CNBD1: variants seen among roughly 807,000 people sequenced by gnomAD.
CNBD1 encodes cyclic nucleotide-binding domain-containing protein 1.
In CNBD1, 71 loss-of-function variants were observed where a neutral mutation model predicts 54.4. That is an observed-to-expected ratio of 1.30 (90% CI 1.08 to 1.59). CNBD1 has a LOEUF of 1.59. Among genes scored for constraint, CNBD1 ranks in the 40% most tolerant of loss-of-function variants. The probability of loss-of-function intolerance (pLI) is 0.00; values close to 1 mark genes in which losing one functional copy is unlikely to be tolerated. For synonymous variants in CNBD1, 182 were observed against 170.7 expected (o/e 1.07, Z -0.51); for missense variants, 659 against 518.0 (o/e 1.27, Z -2.64).
chr8:87,381,578 G>T (rs1484780343), intron 10 of CNBD1, among the ~76,000 whole-genome samples: 1 of 152,000 alleles, frequency 6.6e-6, no homozygotes, highest in East Asian at 1.9e-4. Flanking sequence ...GCAGTACCAT[G>T]TTAATTGCAG....
intron 4 of CNBD1, among the ~76,000 whole-genome samples, chr8:87,077,703 T>C (rs967643882): frequency 6.6e-6 from 1 of 151,840 alleles, no homozygotes; most frequent in Non-Finnish European, 1.5e-5. Flanking sequence ...TTGCTGAGAA[T>C]GATGGTTTCC....
chr8:87,092,535 A>ATG (rs1303435896), intron 4 of CNBD1, among the ~76,000 whole-genome samples: 4 of 118,038 alleles, frequency 3.4e-5, no homozygotes, highest in Non-Finnish European at 6.7e-5. Flanking sequence ...GTATGTATGT[A>ATG]TGTGTGTGTA....
chr8:86,927,072 C>T (rs565938218), intron 3 of CNBD1, among the ~76,000 whole-genome samples: 1 of 152,144 alleles, frequency 6.6e-6, no homozygotes, highest in East Asian at 1.9e-4. Flanking sequence ...AAGAATATGC[C>T]TTGGCTGGGT....
intron 10 of CNBD1, among the ~76,000 whole-genome samples, chr8:87,356,118 T>G (rs1222756000): frequency 1.3e-5 from 2 of 152,160 alleles, no homozygotes; most frequent in Non-Finnish European, 2.9e-5. Flanking sequence ...CCTGGCAAAC[T>G]GTGAGCCAAA....
intron 4 of CNBD1, among the ~76,000 whole-genome samples, chr8:86,942,506 T>C (rs935789830): frequency 6.6e-6 from 1 of 152,208 alleles, no homozygotes; most frequent in Non-Finnish European, 1.5e-5. Context: ...ATCCCCACTT[T>C]CATGATGGCT....
At chr8:87,149,785 A>T (rs912085132) in intron 4 of CNBD1, among the ~76,000 whole-genome samples, 4 of 152,162 alleles carry the variant, frequency 2.6e-5, no homozygotes, top group African/African-American at 7.2e-5. Flanking sequence ...TAATGAGAAT[A>T]GAAGGTGAAA....
At chr8:87,002,219 C>G (rs2130546510) in intron 4 of CNBD1, among the ~76,000 whole-genome samples, 1 of 152,260 alleles carries the variant, frequency 6.6e-6, no homozygotes, top group Middle Eastern at 3.4e-3. Flanking sequence ...TTTTTACCTC[C>G]ACTGACAAAA....
At chr8:87,190,324 A>G (rs1364096731) in intron 4 of CNBD1, among the ~76,000 whole-genome samples, 2 of 152,146 alleles carry the variant, frequency 1.3e-5, no homozygotes, top group African/African-American at 2.4e-5. Context: ...GGACATATAT[A>G]TCCAAACGTA....
rs534054186 is a variant in CNBD1, at chr8:87,349,668, C to G, written c.1043-2017C>G. Among the ~76,000 whole-genome samples the G allele has an allele frequency of 3.3e-3, 504 of 152,284 alleles. 6 individuals are homozygous for G. Among genetic ancestry groups the G allele is most frequent in the African/African-American group, 0.011 (445 of 41,552 alleles). On this transcript the variant is annotated intron_variant, in intron 8 of 10. Coordinates refer to ENST00000518476, the MANE Select transcript of CNBD1 (RefSeq NM_173538.3). The stretch of plus-strand genomic sequence containing the variant: ...GGGATTACAGGCGTGAGCCACCGCG[C>G]CTGACCAGAATATATGATTTTTATA...
chr8:87,263,261 C>T (rs546226525), intron 6 of CNBD1, among the ~76,000 whole-genome samples: 1 of 152,092 alleles, frequency 6.6e-6, no homozygotes, highest in Non-Finnish European at 1.5e-5. Context: ...TGTGTGAAAA[C>T]CATGCATATT....
chr8:87,371,854 A>G (rs1050325603), intron 10 of CNBD1, among the ~76,000 whole-genome samples: 1 of 151,998 alleles, frequency 6.6e-6, no homozygotes, highest in African/African-American at 2.4e-5. Context: ...AATAAGAGCT[A>G]TCTATGACAA....
At chr8:86,930,858 C>T (rs1409507090) in intron 3 of CNBD1, among the ~76,000 whole-genome samples, 3 of 152,106 alleles carry the variant, frequency 2.0e-5, no homozygotes, top group East Asian at 3.9e-4. Flanking sequence ...AACTTCAGGG[C>T]TTAGGGGATA....
At chr8:86,930,062 T>A (rs1253672525) in intron 3 of CNBD1, among the ~76,000 whole-genome samples, 1 of 152,192 alleles carries the variant, frequency 6.6e-6, no homozygotes, top group Non-Finnish European at 1.5e-5. Flanking sequence ...CCCATTCTCC[T>A]AGATGAGTAT....
intron 10 of CNBD1, among the ~76,000 whole-genome samples, chr8:87,354,722 C>T (rs1341762571): frequency 2.6e-5 from 4 of 152,132 alleles, no homozygotes; most frequent in Non-Finnish European, 5.9e-5. Flanking sequence ...CATGTCCCTA[C>T]AAAGGACATG....
intron 8 of CNBD1, among the ~76,000 whole-genome samples, chr8:87,308,290 A>G (rs59738681): frequency 0.17 from 25,977 of 152,084 alleles, 3,233 homozygotes; most frequent in African/African-American, 0.36. Context: ...TACCAAGAGG[A>G]TGGGTGTGTC....
chr8:87,272,747 G>A (rs953067219), intron 6 of CNBD1, among the ~76,000 whole-genome samples: 1 of 151,924 alleles, frequency 6.6e-6, no homozygotes, highest in African/African-American at 2.4e-5. Flanking sequence ...AACATGTGGT[G>A]AGCAGTTGTG....
intron 4 of CNBD1, among the ~76,000 whole-genome samples, chr8:87,005,688 C>T (rs1809083612): frequency 6.6e-6 from 1 of 151,844 alleles, no homozygotes; most frequent in South Asian, 2.1e-4. Context: ...ATTATTGCAA[C>T]AAAGGAAAGA....
intron 6 of CNBD1, among the ~76,000 whole-genome samples, chr8:87,274,470 G>C (rs1320374770): frequency 3.4e-5 from 5 of 148,302 alleles, no homozygotes; most frequent in Non-Finnish European, 5.9e-5. Flanking sequence ...ATTCTAACTG[G>C]TGTGAGATGA....
At chr8:87,033,895 C>A (rs1809849225) in intron 4 of CNBD1, among the ~76,000 whole-genome samples, 1 of 151,996 alleles carries the variant, frequency 6.6e-6, no homozygotes, top group Admixed American at 6.6e-5. Context: ...TTTTCTTTCA[C>A]CTTTCTTTTG....
Sources: gnomAD v4.1 joint callset for allele counts (sites outside exome capture counted in the v4.1 genomes callset) on GRCh38, gnomAD v4.1.1 for gene constraint, MANE v1.5 for transcripts, NCBI Gene and HGNC (gene_info 2026-07-23, HGNC 2026-07-21) for gene names.